The following CNTN4 variants were observed in gnomAD, a reference collection of about 807,000 sequenced individuals.
CNTN4 encodes contactin-4.
A neutral mutation model predicts 122.5 loss-of-function variants in CNTN4; 77 were observed. That is an observed-to-expected ratio of 0.63 (90% confidence interval 0.52 to 0.76). The LOEUF is 0.76. Ranked by LOEUF, CNTN4 falls within the 30% of genes least tolerant of loss-of-function variation. The probability of loss-of-function intolerance (pLI) is 0.00; values close to 1 mark genes in which losing one functional copy is unlikely to be tolerated. For missense variants in CNTN4, 1,256 were observed against 1,259.1 expected (o/e 1.00, Z 0.04); for synonymous variants, 512 against 447.0 (o/e 1.15, Z -1.83).
chr3:2,244,547 G>T (rs2040069027), intron 2 of CNTN4, among the ~76,000 whole-genome samples: 1 of 152,050 alleles, frequency 6.6e-6, no homozygotes, highest in Admixed American at 6.6e-5. Flanking sequence ...CTGTTGAAAT[G>T]ATATTTTGAG....
At chr3:2,950,569 A>G (rs1040337212) in intron 13 of CNTN4, among the ~76,000 whole-genome samples, 1 of 152,160 alleles carries the variant, frequency 6.6e-6, no homozygotes, top group African/African-American at 2.4e-5. Context: ...ATGCTGGACT[A>G]GGTCCTCTTC....
At chr3:3,009,712 C>A (rs1386735936) in intron 14 of CNTN4, among the ~76,000 whole-genome samples, 4 of 152,168 alleles carry the variant, frequency 2.6e-5, no homozygotes, top group Non-Finnish European at 1.5e-5. Context: ...GGATTACAGG[C>A]GTGAGCCACC....
intron 3 of CNTN4, among the ~76,000 whole-genome samples, chr3:2,508,096 T>G (rs2076784893): frequency 6.6e-6 from 1 of 152,234 alleles, no homozygotes. Context: ...TATTAGAATC[T>G]GATTATCTCA....
intron 2 of CNTN4, among the ~76,000 whole-genome samples, chr3:2,281,289 G>A (rs1357966448): frequency 6.6e-6 from 1 of 152,088 alleles, no homozygotes; most frequent in Non-Finnish European, 1.5e-5. Flanking sequence ...CAATGAAGTA[G>A]GGATGATGAC....
At chr3:2,764,151 G>C (rs1225688181) in intron 6 of CNTN4, among the ~76,000 whole-genome samples, 1 of 152,132 alleles carries the variant, frequency 6.6e-6, no homozygotes, top group Non-Finnish European at 1.5e-5. Flanking sequence ...AACAAAGCCA[G>C]ACCCAGTCCC....
At chr3:2,703,656 C>T (rs1194677218) in intron 4 of CNTN4, among the ~76,000 whole-genome samples, 1 of 151,538 alleles carries the variant, frequency 6.6e-6, no homozygotes, top group Non-Finnish European at 1.5e-5. Flanking sequence ...AAAAATAAAA[C>T]CATAAAGAAG....
chr3:2,674,809 A>G (rs1012305069), intron 4 of CNTN4, among the ~76,000 whole-genome samples: 4 of 151,990 alleles, frequency 2.6e-5, no homozygotes, highest in Non-Finnish European at 5.9e-5. Context: ...TAACTGTGCT[A>G]TAGAGCACTA....
At position 2,657,338 on chromosome 3, in the gene CNTN4, T is replaced by C. The variant is rs551386119; in HGVS notation, c.56-78877T>C. 1.2e-4 allele frequency among the ~76,000 whole-genome samples: 19 copies of C among 152,330 alleles called. No individual in the cohort carries two copies. The South Asian group carries it at 3.9e-3, about 32-fold the overall frequency. ...AAATCTGTAACATGAGGCTTTTTAT[T>C]ATAGGTTTATTACATCAATCTCTCC... On this transcript the variant is annotated intron_variant, in intron 4 of 24. Coordinates refer to ENST00000418658, the MANE Select transcript of CNTN4 (RefSeq NM_175607.3).
chr3:3,015,081 C>T (rs941031832), intron 14 of CNTN4, among the ~76,000 whole-genome samples: 2 of 152,120 alleles, frequency 1.3e-5, no homozygotes, highest in Non-Finnish European at 2.9e-5. Context: ...TAATTCAGGG[C>T]TCTTCAGATT....
At chr3:2,217,682 A>AG (rs1559350932) in intron 2 of CNTN4, among the ~76,000 whole-genome samples, 2 of 151,442 alleles carry the variant, frequency 1.3e-5, no homozygotes, top group Non-Finnish European at 2.9e-5. Context: ...AAGCATTATA[A>AG]AGAGAGAGAG....
chr3:2,606,149 G>T (rs2081249198), intron 4 of CNTN4, among the ~76,000 whole-genome samples: 1 of 152,144 alleles, frequency 6.6e-6, no homozygotes, highest in South Asian at 2.1e-4. Flanking sequence ...GGGACAAAGT[G>T]GTTCTGTATT....
At chr3:2,651,698 T>G (rs1254251684) in intron 4 of CNTN4, among the ~76,000 whole-genome samples, 1 of 144,910 alleles carries the variant, frequency 6.9e-6, no homozygotes, top group East Asian at 2.0e-4. Flanking sequence ...CAATTTTTTT[T>G]CTTTTTTTTC....
chr3:2,391,723 C>T (rs1008141886), intron 3 of CNTN4, among the ~76,000 whole-genome samples: 2 of 152,060 alleles, frequency 1.3e-5, no homozygotes, highest in Non-Finnish European at 2.9e-5. Flanking sequence ...ATTTACATGA[C>T]GCAGCAAGAA....
chr3:2,538,194 A>G (rs2077884515), intron 3 of CNTN4, among the ~76,000 whole-genome samples: 1 of 152,128 alleles, frequency 6.6e-6, no homozygotes, highest in African/African-American at 2.4e-5. Context: ...AAGCCAGGAA[A>G]CCACCAGAAG....
chr3:3,022,301 A>G (rs1698372414), intron 14 of CNTN4, among the ~76,000 whole-genome samples: 1 of 152,154 alleles, frequency 6.6e-6, no homozygotes, highest in South Asian at 2.1e-4. Context: ...CTCTAGTCCT[A>G]CCTTGATGGG....
intron 4 of CNTN4, among the ~76,000 whole-genome samples, chr3:2,721,328 A>G (rs2087839424): frequency 6.6e-6 from 1 of 152,148 alleles, no homozygotes; most frequent in Non-Finnish European, 1.5e-5. Flanking sequence ...TAAGAGAGAG[A>G]AAAAGAAACA....
At chr3:2,102,928 T>C (rs536373983) in intron 2 of CNTN4, among the ~76,000 whole-genome samples, 2 of 152,220 alleles carry the variant, frequency 1.3e-5, no homozygotes, top group Admixed American at 6.5e-5. Flanking sequence ...TTGCTTTTTT[T>C]TTTTTCTGGT....
At chr3:2,967,132 G>T (rs1250861621) in intron 13 of CNTN4, among the ~76,000 whole-genome samples, 2 of 152,156 alleles carry the variant, frequency 1.3e-5, no homozygotes, top group African/African-American at 4.8e-5. Context: ...TTGGTGGGTT[G>T]GTGGGGAGCA....
At chr3:2,285,598 G>A (rs6786566) in intron 2 of CNTN4, among the ~76,000 whole-genome samples, 136 of 151,998 alleles carry the variant, frequency 8.9e-4, no homozygotes, top group African/African-American at 3.0e-3. Flanking sequence ...AAAAAATATC[G>A]TTTCTTCTCC....
Sources: allele counts gnomAD v4.1 joint callset (sites outside exome capture counted in the v4.1 genomes callset), GRCh38; gene constraint gnomAD v4.1.1; transcripts MANE v1.5; gene names NCBI Gene and HGNC (gene_info 2026-07-23, HGNC 2026-07-21).